The following SYTL2 variants were observed in gnomAD, a reference collection of about 807,000 sequenced individuals.
SYTL2 encodes synaptotagmin like 2, also known as synaptotagmin-like protein 2.
Under a neutral mutation model 198.7 loss-of-function variants are expected in SYTL2, and 165 were observed. That is an observed-to-expected ratio of 0.83 (90% confidence interval 0.73 to 0.94). The LOEUF is 0.94. Ranked by LOEUF, SYTL2 falls within the 40% of genes least tolerant of loss-of-function variation. The pLI is 0.00. For synonymous variants in SYTL2, 966 were observed against 917.7 expected (o/e 1.05, Z -0.95); for missense variants, 2,835 against 2,582.8 (o/e 1.10, Z -2.12).
At chr11:85,705,836 G>C (rs1165106864) in intron 15 of SYTL2, among the ~76,000 whole-genome samples, 2 of 152,148 alleles carry the variant, frequency 1.3e-5, no homozygotes, top group Admixed American at 1.3e-4. Flanking sequence ...CCCAGAAATA[G>C]CCAGGGTACT....
chr11:85,757,841 A>C lies in SYTL2; in HGVS notation c.-116T>G. 1 of 1,466,658 alleles carries C rather than the reference A, an allele frequency of 6.8e-7. No homozygotes were observed. The highest frequency in any genetic ancestry group is 9.2e-7 in the Non-Finnish European group (1 of 1,083,834). 90.9% of individuals were successfully genotyped at this position (1,466,658 alleles called of 1,614,324 possible). Reference sequence around the variant, plus strand: ...CACACAAAAATGAAATATCTTGTTCAGTTCTGCATCAAAGTCTTATTTTGG... The same window carrying C: ...CACACAAAAATGAAATATCTTGTTCCGTTCTGCATCAAAGTCTTATTTTGG... On this transcript the variant is annotated 5_prime_UTR_variant, in exon 2 of 20. It removes the in-frame stop codon of an upstream open reading frame in the 5' UTR. Transcript: ENST00000359152.
the SYTL2 span, among the ~76,000 whole-genome samples, chr11:85,844,516 C>T: frequency 2.6e-5 from 4 of 152,304 alleles, no homozygotes; most frequent in East Asian, 5.8e-4. Context: ...CACATATTCT[C>T]TGGTGGTGTG....
At chr11:85,731,367 T>C (rs142381468) in intron 7 of SYTL2, among the ~76,000 whole-genome samples, 1 of 152,274 alleles carries the variant, frequency 6.6e-6, no homozygotes, top group Non-Finnish European at 1.5e-5. Flanking sequence ...AACTGCATGG[T>C]ACTGGTACCA....
Position 85,736,490 on chromosome 11 carries a change from A to C in SYTL2, c.586+11T>G, listed in dbSNP as rs1565954829. 4 of 1,396,832 alleles carry C rather than the reference A, an allele frequency of 2.9e-6. No individual in the cohort carries two copies. The highest frequency in any genetic ancestry group is 4.0e-6 in the Non-Finnish European group (4 of 1,000,802). The allele number at this position is 1,396,832 out of a possible 1,614,324, so 86.5% of individuals were successfully genotyped here. A position where few individuals can be genotyped will look rare whatever the true frequency, so the allele number is the denominator to read the frequency against. ...AGATAAAAAAATCAAGTTCATAAAA[A>C]TAATATTTACCCTCTTTTGAAGTCT... is the stretch of plus-strand genomic sequence containing the variant. On this transcript the variant is annotated intron_variant, in intron 6 of 19. Transcript: ENST00000359152.
intron 2 of SYTL2, among the ~76,000 whole-genome samples, chr11:85,753,765 T>TAA (rs1565986075): frequency 2.1e-4 from 21 of 101,842 alleles, no homozygotes; most frequent in African/African-American, 5.8e-4. Context: ...ACTCTCTTTT[T>TAA]TAAAAAAAAA....
intron 19 of SYTL2, among the ~76,000 whole-genome samples, chr11:85,695,978 A>T (rs1173374925): frequency 1.3e-5 from 2 of 152,228 alleles, no homozygotes; most frequent in African/African-American, 4.8e-5. Context: ...CTATATGCAG[A>T]GACACTTCAC....
chr11:85,847,389 T>C, the SYTL2 span, among the ~76,000 whole-genome samples: 1 of 152,190 alleles, frequency 6.6e-6, no homozygotes, highest in African/African-American at 2.4e-5. Context: ...CCCCACCCTT[T>C]TTTTTTTCAT....
At chr11:85,709,247 T>G in intron 14 of SYTL2, 84 bp downstream of exon 14, 1 of 1,388,764 alleles carries the variant, frequency 7.2e-7, no homozygotes, top group South Asian at 1.2e-5. Flanking sequence ...CTCCCTCCTC[T>G]TGATTACTTT....
intron 7 of SYTL2, among the ~76,000 whole-genome samples, chr11:85,731,120 A>T (rs1456367888): frequency 6.6e-6 from 1 of 152,222 alleles, no homozygotes; most frequent in Admixed American, 6.5e-5. Flanking sequence ...TTCCATGCTC[A>T]TGGATAGGAA....
At chr11:85,852,854 GC>G in the SYTL2 span, 1 of 229,726 alleles carries the variant, frequency 4.4e-6, no homozygotes, top group Non-Finnish European at 8.8e-6. Flanking sequence ...GATGTGAGGA[GC>G]CCCTCTGCCC....
rs572968682 is a variant in SYTL2, at chr11:85,774,464, G to A, written c.-389-16350C>T. On this transcript the variant is annotated intron_variant, in intron 1 of 19. Transcript: ENST00000359152. ...GAGCAGCAGTAAAGGTGGAAGAAAAGGCCAGGTACACAGTGCCCTGCAAAG... is the reference window on the plus strand; with the variant it reads ...GAGCAGCAGTAAAGGTGGAAGAAAAAGCCAGGTACACAGTGCCCTGCAAAG... Among the ~76,000 whole-genome samples the A allele has an allele frequency of 1.6e-4, 24 of 152,272 alleles. No individual in the cohort carries two copies. In the South Asian group the frequency reaches 5.0e-3, roughly 32 times the overall value.
rs145857881 is a variant in SYTL2, at chr11:85,791,211, T to A, written c.-390+19743A>T. On this transcript the variant is annotated intron_variant, in intron 1 of 19. Coordinates refer to ENST00000359152, the MANE Select transcript of SYTL2 (RefSeq NM_206927.4). Reference sequence around the variant, plus strand: ...AAAAAAAAAACAACCTTAGTAAATATTCTGGCTCACAGAAAATATCTTACT... The same window carrying A: ...AAAAAAAAAACAACCTTAGTAAATAATCTGGCTCACAGAAAATATCTTACT... 1.9e-3 allele frequency among the ~76,000 whole-genome samples: 260 copies of A among 136,892 alleles called. 1 individual carries two copies. The highest frequency in any genetic ancestry group is 0.015 in the East Asian group (71 of 4,664). 89.8% of individuals were successfully genotyped at this position (136,892 alleles called of 152,430 possible). A position where few individuals can be genotyped will look rare whatever the true frequency, so the allele number is the denominator to read the frequency against.
intron 16 of SYTL2, among the ~76,000 whole-genome samples, chr11:85,702,221 G>A (rs1008760978): frequency 4.1e-5 from 6 of 145,270 alleles, no homozygotes; most frequent in East Asian, 2.0e-4. Flanking sequence ...ACAGGGTCTC[G>A]CTTTGTTGCC....
At chr11:85,699,002 A>G (rs2083846204) in intron 17 of SYTL2, among the ~76,000 whole-genome samples, 1 of 151,312 alleles carries the variant, frequency 6.6e-6, no homozygotes, top group African/African-American at 2.5e-5. Flanking sequence ...GGTTAGCTCA[A>G]TCAGTCAACC....
chr11:85,813,879 C>T (rs573520224), upstream of SYTL2, among the ~76,000 whole-genome samples: 7 of 152,150 alleles, frequency 4.6e-5, no homozygotes, highest in South Asian at 2.1e-4. Flanking sequence ...CACACCACCA[C>T]GCCCAGTTAA....
chr11:85,775,513 C>T (rs1232146823), intron 1 of SYTL2, among the ~76,000 whole-genome samples: 3 of 152,124 alleles, frequency 2.0e-5, no homozygotes, highest in Non-Finnish European at 2.9e-5. Context: ...GACAGAGTCC[C>T]ACTCTATCAT....
Position 85,727,778 on chromosome 11 carries a change from T to G in SYTL2, c.1580A>C (p.Asn527Thr). 3 of 1,583,272 alleles carry G rather than the reference T, an allele frequency of 1.9e-6. No homozygotes were observed. In the South Asian group the frequency reaches 3.5e-5, roughly 18 times the overall value. Reference sequence around the variant, plus strand: ...ATTGTCATCTGAATAAGAACTTCGGTTAAACCAGTCTAGAACTTTAAATAT... The same window carrying G: ...ATTGTCATCTGAATAAGAACTTCGGGTAAACCAGTCTAGAACTTTAAATAT... ...DSIFKVLDWF[N>T]RSSYSDDNKS... The change falls in exon 8 of 20, where the codon AAC becomes ACC. Residue 527 changes from asparagine to threonine, a missense_variant. Coordinates refer to ENST00000359152, the MANE Select transcript of SYTL2 (RefSeq NM_206927.4).
At chr11:85,732,532 A>C (rs955658986) in intron 7 of SYTL2, among the ~76,000 whole-genome samples, 1 of 145,404 alleles carries the variant, frequency 6.9e-6, no homozygotes, top group Non-Finnish European at 1.5e-5. Context: ...CATAAGTGGG[A>C]GTTCAACAAT....
rs563505082 is a variant in SYTL2, at chr11:85,699,957, A to G, written c.6268+558T>C. Among the ~76,000 whole-genome samples the G allele has an allele frequency of 6.6e-5, 10 of 152,330 alleles. 1 individual carries two copies. In the South Asian group the frequency reaches 1.7e-3, roughly 25 times the overall value. On this transcript the variant is annotated intron_variant, in intron 17 of 19. Transcript: ENST00000359152. ...CTCTTAATTCCCACCTGTGAAAAAG[A>G]ACACTCAGGTTCTATTCTTATAGCA...
Sources: allele counts gnomAD v4.1 joint callset (sites outside exome capture counted in the v4.1 genomes callset), GRCh38; gene constraint gnomAD v4.1.1; transcripts MANE v1.5; gene names NCBI Gene and HGNC (gene_info 2026-07-23, HGNC 2026-07-21).